The following CSMD1 variants were observed in gnomAD, a reference collection of about 807,000 sequenced individuals.
CSMD1 encodes CUB and sushi domain-containing protein 1.
Under a neutral mutation model 417.5 loss-of-function variants are expected in CSMD1, and 213 were observed. That is an observed-to-expected ratio of 0.51 (90% confidence interval 0.46 to 0.57). The LOEUF is 0.57. CSMD1 is among the 20% of genes least tolerant of loss of function. The pLI, the probability that CSMD1 is intolerant of heterozygous loss-of-function variation, is 0.00. For missense variants in CSMD1, 6,923 were observed against 4,529.7 expected, an observed-to-expected ratio of 1.53 and a Z score of -15.17; for synonymous variants, 2,862 against 1,736.8, an observed-to-expected ratio of 1.65 and a Z score of -16.11.
At chr8:3,533,289 C>G (rs760699897) in intron 10 of CSMD1, among the ~76,000 whole-genome samples, 13 of 151,912 alleles carry the variant, frequency 8.6e-5, no homozygotes, top group Admixed American at 4.6e-4. Flanking sequence ...GTTTAAATGC[C>G]CAATATAATA....
intron 6 of CSMD1, among the ~76,000 whole-genome samples, chr8:3,722,109 G>A (rs1202212503): frequency 1.3e-5 from 2 of 152,110 alleles, no homozygotes; most frequent in African/African-American, 4.8e-5. Context: ...TTGGGAGGCC[G>A]AGGCAGGTGG....
At chr8:3,383,261 A>C (rs1423515450) in intron 18 of CSMD1, among the ~76,000 whole-genome samples, 1 of 152,222 alleles carries the variant, frequency 6.6e-6, no homozygotes, top group East Asian at 1.9e-4. Flanking sequence ...TTAAACATGC[A>C]GTTTACTGCA....
intron 7 of CSMD1, among the ~76,000 whole-genome samples, chr8:3,693,881 G>T (rs1305113781): frequency 1.3e-5 from 2 of 150,748 alleles, no homozygotes; most frequent in African/African-American, 2.4e-5. Flanking sequence ...TTTCGTGTAT[G>T]TTGAATATAG....
intron 41 of CSMD1, among the ~76,000 whole-genome samples, chr8:3,130,999 T>C (rs534423689): frequency 6.6e-6 from 1 of 152,356 alleles, no homozygotes; most frequent in East Asian, 1.9e-4. Context: ...AAATCCGCGA[T>C]AGTTTCTTAC....
chr8:4,384,205 C>G (rs994152786), intron 3 of CSMD1, among the ~76,000 whole-genome samples: 5 of 152,134 alleles, frequency 3.3e-5, no homozygotes, highest in African/African-American at 9.7e-5. Flanking sequence ...AGAATCACCA[C>G]ACTCCTATGA....
At chr8:4,046,634 AAAC>A (rs1170443594) in intron 3 of CSMD1, among the ~76,000 whole-genome samples, 10 of 152,240 alleles carry the variant, frequency 6.6e-5, no homozygotes, top group Non-Finnish European at 1.3e-4. Context: ...CCATCATAAC[AAAC>A]AACAAGTGTG....
chr8:3,436,602 T>G (rs972948547), intron 12 of CSMD1, among the ~76,000 whole-genome samples: 3 of 152,236 alleles, frequency 2.0e-5, no homozygotes, highest in African/African-American at 7.2e-5. Context: ...TGTTTTATTA[T>G]TGATCATAAT....
At chr8:3,821,128 G>C (rs1038663368) in intron 5 of CSMD1, among the ~76,000 whole-genome samples, 5 of 152,016 alleles carry the variant, frequency 3.3e-5, no homozygotes, top group African/African-American at 1.2e-4. Flanking sequence ...ATGTAAGCCA[G>C]GCTGGTCTCG....
intron 5 of CSMD1, among the ~76,000 whole-genome samples, chr8:3,846,302 C>T (rs1320818500): frequency 2.6e-5 from 4 of 152,154 alleles, no homozygotes; most frequent in African/African-American, 9.7e-5. Flanking sequence ...TAGGAATATT[C>T]CAGCTCCATG....
At chr8:4,324,847 G>A (rs1165296513) in intron 3 of CSMD1, among the ~76,000 whole-genome samples, 1 of 152,176 alleles carries the variant, frequency 6.6e-6, no homozygotes. Flanking sequence ...AGAAGAGGAG[G>A]GACTCCCATC....
At chr8:3,815,857 G>C (rs960344298) in intron 5 of CSMD1, among the ~76,000 whole-genome samples, 2 of 152,110 alleles carry the variant, frequency 1.3e-5, no homozygotes, top group African/African-American at 4.8e-5. Context: ...AGAGAAACTA[G>C]AGCCAGTGAT....
intron 2 of CSMD1, among the ~76,000 whole-genome samples, chr8:4,578,511 TG>T (rs1463190324): frequency 1.3e-5 from 2 of 151,754 alleles, no homozygotes; most frequent in African/African-American, 4.8e-5. Flanking sequence ...ATTAATTTCC[TG>T]TTTTATTATA....
chr8:3,248,523 C>CTTTTTTTTTTTTTTTTTTTTTTTTTT (rs10663439), intron 26 of CSMD1, among the ~76,000 whole-genome samples: 1 of 85,946 alleles, frequency 1.2e-5, no homozygotes, highest in Non-Finnish European at 2.2e-5. Flanking sequence ...AATTCCCTCC[C>CTTTTTTTTTTTTTTTTTTTTTTTTTT]TTTTTTTTTT....
intron 26 of CSMD1, among the ~76,000 whole-genome samples, chr8:3,258,574 C>T (rs982371265): frequency 2.6e-5 from 4 of 152,170 alleles, no homozygotes; most frequent in Non-Finnish European, 5.9e-5. Context: ...ATCATTGGAC[C>T]TAGCAATCCA....
intron 1 of CSMD1, among the ~76,000 whole-genome samples, chr8:4,918,972 G>A (rs1397202553): frequency 5.9e-5 from 9 of 152,048 alleles, no homozygotes; most frequent in African/African-American, 9.7e-5. Flanking sequence ...TTGCTATTAC[G>A]ATTGAGTTGT....
intron 26 of CSMD1, among the ~76,000 whole-genome samples, chr8:3,247,946 C>T (rs1233098728): frequency 6.6e-6 from 1 of 152,136 alleles, no homozygotes; most frequent in Non-Finnish European, 1.5e-5. Flanking sequence ...ATTCTCAACC[C>T]CATTACAACC....
chr8:4,156,125 A>G (rs1482762052), intron 3 of CSMD1, among the ~76,000 whole-genome samples: 3 of 152,084 alleles, frequency 2.0e-5, no homozygotes, highest in Non-Finnish European at 4.4e-5. Context: ...CCTGACATTA[A>G]GAGTCCCTCT....
At chr8:4,343,705 C>T (rs902905714) in intron 3 of CSMD1, among the ~76,000 whole-genome samples, 1 of 151,990 alleles carries the variant, frequency 6.6e-6, no homozygotes, top group African/African-American at 2.4e-5. Flanking sequence ...TTCTTTTCAC[C>T]AGGGGAGCTT....
In CSMD1 at chr8:4,747,297, G is replaced by A. The variant is rs113311730; in HGVS notation, c.86-109739C>T. ...ACAAGCCCTATTTTCTACTCTGAAC[G>A]GAGCCTGCTCTTCTCATTTATTTCA... On this transcript the variant is annotated intron_variant, in intron 1 of 69. Transcript: ENST00000635120. 4.1e-3 allele frequency among the ~76,000 whole-genome samples: 626 copies of A among 152,202 alleles called. 5 individuals carry two copies. The highest frequency in any genetic ancestry group is 0.014 in the African/African-American group (601 of 41,534).
Sources: allele counts gnomAD v4.1 joint callset (sites outside exome capture counted in the v4.1 genomes callset), GRCh38; gene constraint gnomAD v4.1.1; transcripts MANE v1.5; gene names NCBI Gene and HGNC (gene_info 2026-07-23, HGNC 2026-07-21).